The following SCFD2 variants were observed in gnomAD, a reference collection of about 807,000 sequenced individuals.
SCFD2 encodes the protein sec1 family domain containing 2.
SCFD2 carries 54 observed loss-of-function variants against 58.9 expected under a neutral mutation model. The ratio of observed to expected loss-of-function variants is 0.92; its 90% CI spans 0.74 to 1.15. The LOEUF is 1.15. Ranked by LOEUF, SCFD2 falls within the 50% of genes most tolerant of loss-of-function variation. The pLI is 0.00. For missense variants in SCFD2, 805 were observed against 836.6 expected, an observed-to-expected ratio of 0.96 and a Z score of 0.47; for synonymous variants, 321 against 335.9, an observed-to-expected ratio of 0.96 and a Z score of 0.49.
chr4:53,105,368 C>A (rs1724961685), intron 5 of SCFD2, among the ~76,000 whole-genome samples: 1 of 151,476 alleles, frequency 6.6e-6, no homozygotes, highest in African/African-American at 2.4e-5. Context: ...GGGGCTGAAG[C>A]CAGGGAGCCA....
intron 5 of SCFD2, among the ~76,000 whole-genome samples, chr4:53,133,020 CCTT>C (rs1336396618): frequency 1.3e-5 from 2 of 152,084 alleles, no homozygotes; most frequent in African/African-American, 4.8e-5. Context: ...CTTATTAGCT[CCTT>C]GTCTTTTACA....
chr4:53,091,783 G>A (rs1433624916), intron 5 of SCFD2, among the ~76,000 whole-genome samples: 1 of 152,044 alleles, frequency 6.6e-6, no homozygotes, highest in Non-Finnish European at 1.5e-5. Flanking sequence ...TATGGAGTCT[G>A]TTCCTTCTAC....
At chr4:53,274,028 AC>A in intron 3 of SCFD2, 27 bp from the exon 4 acceptor site, 1 of 1,582,178 alleles carries the variant, frequency 6.3e-7, no homozygotes, top group Non-Finnish European at 8.6e-7. Context: ...TTATCAGTGT[AC>A]CCCCTTCTGG....
intron 4 of SCFD2, among the ~76,000 whole-genome samples, chr4:53,152,563 A>C (rs1184275639): frequency 6.6e-6 from 1 of 152,152 alleles, no homozygotes; most frequent in East Asian, 1.9e-4. Flanking sequence ...TCAATATGAG[A>C]TTTGGAGGGG....
chr4:53,088,114 T>C (rs186513669), intron 5 of SCFD2, among the ~76,000 whole-genome samples: 1 of 152,308 alleles, frequency 6.6e-6, no homozygotes, highest in Admixed American at 6.5e-5. Flanking sequence ...AGACTATCCA[T>C]ATTGCAAAAC....
chr4:53,185,735 C>T (rs1468674040), intron 4 of SCFD2, among the ~76,000 whole-genome samples: 4 of 152,062 alleles, frequency 2.6e-5, no homozygotes, highest in African/African-American at 9.7e-5. Context: ...CAATCTTTAA[C>T]TAAGGCTCTC....
intron 5 of SCFD2, among the ~76,000 whole-genome samples, chr4:53,089,908 C>A (rs1025513998): frequency 2.0e-5 from 3 of 152,146 alleles, no homozygotes; most frequent in African/African-American, 7.2e-5. Flanking sequence ...TCCCCTGCAG[C>A]ATTTCAAAAC....
chr4:53,183,939 C>G (rs1023254969), intron 4 of SCFD2, among the ~76,000 whole-genome samples: 1 of 152,278 alleles, frequency 6.6e-6, no homozygotes, highest in Non-Finnish European at 1.5e-5. Context: ...TGAGCAAGCA[C>G]ATACAACAGT....
At chr4:53,326,181 C>G (rs1485210650) in intron 2 of SCFD2, among the ~76,000 whole-genome samples, 1 of 152,084 alleles carries the variant, frequency 6.6e-6, no homozygotes, top group Non-Finnish European at 1.5e-5. Context: ...CTCGCTCTGT[C>G]ACCCAGGCCA....
chr4:53,050,347 C>T (rs536840075), intron 5 of SCFD2, among the ~76,000 whole-genome samples: 1 of 152,312 alleles, frequency 6.6e-6, no homozygotes, highest in South Asian at 2.1e-4. Context: ...TGGCAGCAAA[C>T]CTCACCAGCA....
intron 3 of SCFD2, among the ~76,000 whole-genome samples, chr4:53,307,568 A>T (rs576694183): frequency 6.6e-6 from 1 of 152,340 alleles, no homozygotes; most frequent in African/African-American, 2.4e-5. Flanking sequence ...AAAACTTAAC[A>T]TACAGAATTG....
At chr4:53,293,724 A>T (rs1302978830) in intron 3 of SCFD2, among the ~76,000 whole-genome samples, 1 of 152,168 alleles carries the variant, frequency 6.6e-6, no homozygotes, top group Non-Finnish European at 1.5e-5. Flanking sequence ...ATATGGCAGG[A>T]ATGCTCACTC....
intron 4 of SCFD2, among the ~76,000 whole-genome samples, chr4:53,155,576 A>G (rs1448737176): frequency 6.6e-6 from 1 of 152,252 alleles, no homozygotes; most frequent in African/African-American, 2.4e-5. Context: ...TGATTAAATG[A>G]AGAAGCAATA....
intron 2 of SCFD2, among the ~76,000 whole-genome samples, chr4:53,328,203 TGTGA>T (rs1230115130): frequency 1.3e-5 from 2 of 151,584 alleles, no homozygotes; most frequent in African/African-American, 2.4e-5. Flanking sequence ...TGTGTGTGTG[TGTGA>T]GTGTGTGTGT....
chr4:52,879,323 C>T (rs1448886869), intron 8 of SCFD2, among the ~76,000 whole-genome samples: 2 of 152,172 alleles, frequency 1.3e-5, no homozygotes, highest in Non-Finnish European at 2.9e-5. Flanking sequence ...ATAAATTTCA[C>T]ACTTAAATAT....
At chr4:53,074,041 G>A (rs540415157) in intron 5 of SCFD2, among the ~76,000 whole-genome samples, 1 of 152,158 alleles carries the variant, frequency 6.6e-6, no homozygotes, top group African/African-American at 2.4e-5. Flanking sequence ...AGATTTGTCT[G>A]TAGCATGTAA....
At chr4:53,032,886 C>T (rs1451927925) in intron 5 of SCFD2, among the ~76,000 whole-genome samples, 1 of 152,022 alleles carries the variant, frequency 6.6e-6, no homozygotes, top group East Asian at 1.9e-4. Context: ...TTAACAAACC[C>T]TTGTCAATAT....
At chr4:53,304,237 T>A (rs950644531) in intron 3 of SCFD2, among the ~76,000 whole-genome samples, 2 of 152,144 alleles carry the variant, frequency 1.3e-5, no homozygotes, top group Non-Finnish European at 2.9e-5. Context: ...TAACCCAACC[T>A]TTCTCTCTGC....
chr4:53,070,879 A>G (rs1723794740), intron 5 of SCFD2, among the ~76,000 whole-genome samples: 1 of 152,100 alleles, frequency 6.6e-6, no homozygotes, highest in Non-Finnish European at 1.5e-5. Flanking sequence ...TATTTTATAG[A>G]CATAGAACAC....
Sources: gnomAD v4.1 joint callset for allele counts (sites outside exome capture counted in the v4.1 genomes callset) on GRCh38, gnomAD v4.1.1 for gene constraint, MANE v1.5 for transcripts, NCBI Gene and HGNC (gene_info 2026-07-23, HGNC 2026-07-21) for gene names.